GGNBP2: variants seen among roughly 807,000 people sequenced by gnomAD.
The protein encoded by GGNBP2 is gametogenetin binding protein 2, also known as gametogenetin-binding protein 2.
GGNBP2 carries 10 observed loss-of-function variants against 85.9 expected under a neutral mutation model. The observed-to-expected ratio is 0.12, with a 90% CI of 0.07 to 0.20. GGNBP2 has a LOEUF of 0.20. GGNBP2 is among the 10% of genes least tolerant of loss of function. The probability of loss-of-function intolerance (pLI) is 1.00; values close to 1 mark genes in which losing one functional copy is unlikely to be tolerated. For missense variants in GGNBP2, 595 were observed against 857.8 expected, an observed-to-expected ratio of 0.69 and a Z score of 3.83; for synonymous variants, 287 against 285.7, an observed-to-expected ratio of 1.00 and a Z score of -0.05.
rs145527769 is a variant in GGNBP2, at chr17:36,587,186, A to G, written c.1831A>G (p.Thr611Ala). 9.1e-5 allele frequency: 147 copies of G among 1,614,128 alleles called. No individual in the cohort carries two copies. The East Asian group carries it at 2.7e-3, about 29-fold the overall frequency. ...AAATGTACCACAGTTTGCAGAACCTACAGAAACGTTGTTTGGTCCCGATTC... is the reference window on the plus strand; with the variant it reads ...AAATGTACCACAGTTTGCAGAACCTGCAGAAACGTTGTTTGGTCCCGATTC... ...RKNVPQFAEP[T>A]ETLFGPDSGK... is the part of the protein sequence containing the mutation. The change falls in exon 13 of 14, where the codon ACA becomes GCA. Residue 611 changes from threonine (T) to alanine (A), a missense_variant. Thr to Ala is a moderately conservative substitution (Grantham distance 58). Transcript: ENST00000613102.
At chr17:36,570,634 C>A (rs754075695) in intron 6 of GGNBP2, among the ~76,000 whole-genome samples, 1 of 151,848 alleles carries the variant, frequency 6.6e-6, no homozygotes, top group Admixed American at 6.6e-5. Context: ...CAGGAGGAGG[C>A]AGAGGTTGCA....
At chr17:36,589,147 C>T in intron 13 of GGNBP2, 61 bp from the exon 14 acceptor site, 1 of 1,203,934 alleles carries the variant, frequency 8.3e-7, no homozygotes, top group South Asian at 1.3e-5. Context: ...AGCTGTCCTC[C>T]TCCATTACAT....
At chr17:36,583,370 T>C (rs780737371) in intron 9 of GGNBP2, among the ~76,000 whole-genome samples, 13 of 152,214 alleles carry the variant, frequency 8.5e-5, no homozygotes, top group Middle Eastern at 3.4e-3. Flanking sequence ...TAGATTCTTA[T>C]ATCTGCTTCT....
chr17:36,551,566 G>A (rs2074308950), intron 2 of GGNBP2, among the ~76,000 whole-genome samples: 1 of 151,842 alleles, frequency 6.6e-6, no homozygotes, highest in African/African-American at 2.4e-5. Context: ...ATTTTAGGCT[G>A]GGCGCGGTGG....
chr17:36,551,961 A>G (rs1055659696), intron 2 of GGNBP2, among the ~76,000 whole-genome samples: 11 of 152,356 alleles, frequency 7.2e-5, no homozygotes, highest in African/African-American at 2.2e-4. Context: ...GATTTTGCCT[A>G]AGAACCAGAC....
At chr17:36,581,215 G>A (rs1282296011) in intron 8 of GGNBP2, 129 bp from the exon 9 acceptor site, 2 of 589,112 alleles carry the variant, frequency 3.4e-6, no homozygotes, top group Non-Finnish European at 5.9e-6. Flanking sequence ...AACCCAGGAG[G>A]TGGAGCTTGC....
chr17:36,569,264 T>G (rs935505003), intron 6 of GGNBP2, among the ~76,000 whole-genome samples: 9 of 152,016 alleles, frequency 5.9e-5, no homozygotes, highest in Non-Finnish European at 1.2e-4. Context: ...ATAAAAAAAT[T>G]AGCCAGGCAT....
At position 36,577,991 on chromosome 17, in the gene GGNBP2, C is replaced by G. The variant is rs773416024; in HGVS notation, c.650C>G (p.Thr217Ser). 1 of 1,613,284 alleles carries G rather than the reference C, an allele frequency of 6.2e-7. No individual in the cohort carries two copies. The highest frequency in any genetic ancestry group is 1.7e-5 in the Admixed American group (1 of 59,998). Residue 217 changes from threonine (T) to serine (S), a missense_variant, in exon 7 of 14, where the codon ACT becomes AGT. Thr to Ser is a moderately conservative substitution (Grantham distance 58, BLOSUM62 1). Around this residue, in one of 9 missense-constraint regions of GGNBP2, gnomAD observed 216 missense variants for 293.4 expected, o/e 0.74. Transcript: ENST00000613102. ...ETYLRKHRFC[T>S]DCKNKVLRAY... ...GTTTTTCTTTTCAACAGGTTTTGCACTGATTGCAAAAATAAAGTCCTCCGA... is the reference window on the plus strand; with the variant it reads ...GTTTTTCTTTTCAACAGGTTTTGCAGTGATTGCAAAAATAAAGTCCTCCGA...
chr17:36,547,428 CAT>C, intron 2 of GGNBP2: 1 of 152,010 alleles, frequency 6.6e-6, no homozygotes, highest in South Asian at 2.1e-4. Flanking sequence ...CATAGGAAAA[CAT>C]ATCAAAACAT....
At chr17:36,554,352 ATTTTTTTTTTTT>A (rs780217291) in intron 2 of GGNBP2, among the ~76,000 whole-genome samples, 1,096 of 44,548 alleles carry the variant, frequency 0.025, 4 homozygotes, top group Non-Finnish European at 0.033. Flanking sequence ...ATGTACTTGA[ATTTTTTTTTTTT>A]TTTTTTTTTT....
At chr17:36,557,672 T>C (rs888347367) in intron 4 of GGNBP2, among the ~76,000 whole-genome samples, 1 of 152,134 alleles carries the variant, frequency 6.6e-6, no homozygotes, top group African/African-American at 2.4e-5. Flanking sequence ...AAGCAAATCT[T>C]GTAGAAAACT....
chr17:36,569,070 A>G (rs1567825843), intron 6 of GGNBP2, among the ~76,000 whole-genome samples: 1 of 151,706 alleles, frequency 6.6e-6, no homozygotes, highest in Admixed American at 6.6e-5. Flanking sequence ...GAATCTTCTA[A>G]GTGTCATTAA....
Position 36,557,450 on chromosome 17 carries a change from A to T in GGNBP2, c.428+114A>T, listed in dbSNP as rs1018140059. ...TGAGTCTGATTTAATAATTTTATTG[A>T]GTAAGTTGTATGTACCAGTGGATGT... On this transcript the variant is annotated intron_variant, in intron 4 of 13. Coordinates refer to ENST00000613102, the MANE Select transcript of GGNBP2 (RefSeq NM_024835.5). 5 of 903,554 alleles carry T rather than the reference A, an allele frequency of 5.5e-6. No individual in the cohort carries two copies. In the African/African-American group the frequency reaches 8.4e-5, roughly 15 times the overall value. 56.0% of individuals were successfully genotyped at this position (903,554 alleles called of 1,614,324 possible). A position where few individuals can be genotyped will look rare whatever the true frequency, so the allele number is the denominator to read the frequency against.
intron 9 of GGNBP2, among the ~76,000 whole-genome samples, chr17:36,583,178 C>G (rs1328886170): frequency 6.6e-6 from 1 of 152,052 alleles, no homozygotes; most frequent in Non-Finnish European, 1.5e-5. Flanking sequence ...CTCAGCCACC[C>G]AAGTAGCTGG....
chr17:36,575,642 ATATATATTTTTT>A (rs1427119798), intron 6 of GGNBP2, among the ~76,000 whole-genome samples: 1 of 51,616 alleles, frequency 1.9e-5, no homozygotes, highest in African/African-American at 8.7e-5. Flanking sequence ...ATATATATAT[ATATATATTTTTT>A]TTTTTTTTTG....
chr17:36,584,263 C>A (rs954943739), intron 9 of GGNBP2, among the ~76,000 whole-genome samples: 9 of 152,318 alleles, frequency 5.9e-5, no homozygotes, highest in Admixed American at 1.3e-4. Flanking sequence ...TCAGCTTGCA[C>A]CTCAAAAAGT....
chr17:36,556,458 C>T (rs2074362011), intron 3 of GGNBP2, among the ~76,000 whole-genome samples: 1 of 152,182 alleles, frequency 6.6e-6, no homozygotes, highest in South Asian at 2.1e-4. Flanking sequence ...GTAATCCGAG[C>T]ACTTTGGGAG....
chr17:36,556,792 G>T (rs1490928036), intron 3 of GGNBP2, among the ~76,000 whole-genome samples: 1 of 128,054 alleles, frequency 7.8e-6, no homozygotes, highest in Non-Finnish European at 1.6e-5. Flanking sequence ...TGAGAGGACT[G>T]GCCTAATACT....
chr17:36,563,518 A>G (rs922446041), intron 5 of GGNBP2, among the ~76,000 whole-genome samples: 4 of 151,452 alleles, frequency 2.6e-5, no homozygotes, highest in African/African-American at 9.7e-5. Context: ...ACACATTGCC[A>G]TCATAACACC....
Sources: gnomAD v4.1 joint callset for allele counts (sites outside exome capture counted in the v4.1 genomes callset) on GRCh38, gnomAD v4.1.1 for gene constraint, gnomAD v4.1.1 regional missense constraint, MANE v1.5 for transcripts, NCBI Gene and HGNC (gene_info 2026-07-23, HGNC 2026-07-21) for gene names.